ZNF462: variants seen among roughly 807,000 people sequenced by gnomAD.
The protein encoded by ZNF462 is zinc finger PBX1-interacting protein.
Under a neutral mutation model 201.9 loss-of-function variants are expected in ZNF462, and 10 were observed. The ratio of observed to expected loss-of-function variants is 0.05; its 90% confidence interval spans 0.03 to 0.08. The LOEUF (loss-of-function observed/expected upper bound fraction) is 0.08. ZNF462 is among the 10% of genes least tolerant of loss of function. The probability of loss-of-function intolerance (pLI) is 1.00; values close to 1 mark genes in which losing one functional copy is unlikely to be tolerated. For synonymous variants in ZNF462, 1,227 were observed against 1,193.3 expected, an observed-to-expected ratio of 1.03 and a Z score of -0.58; for missense variants, 2,523 against 3,168.3, an observed-to-expected ratio of 0.80 and a Z score of 4.89.
At position 106,924,827 on chromosome 9, in the gene ZNF462, G is replaced by A. The variant is rs769672218; in HGVS notation, c.915G>A (p.Met305Ile). The A allele has an allele frequency of 1.9e-6, 3 of 1,614,190 alleles. No homozygotes were observed. Among genetic ancestry groups the A allele is most frequent in the Middle Eastern group, 1.6e-4 (1 of 6,062 alleles). The change falls in exon 3 of 13, where the codon ATG (methionine) becomes ATA (isoleucine). Residue 305 changes from methionine (M) to isoleucine (I), a missense_variant. Coordinates refer to ENST00000277225, the MANE Select transcript of ZNF462 (RefSeq NM_021224.6). The surrounding 1 kb of genome is among the most constrained non-coding windows in gnomAD (Gnocchi z 6.2). ...CTTCCAACTCCACCTATCTGACCAT[G>A]AATGCTGCAAGCCGGGAGATACCCA... is the stretch of plus-strand genomic sequence containing the variant. ...SPTSNSTYLT[M>I]NAASREIPNT... is the part of the protein sequence containing the mutation.
chr9:106,869,293 C>T (rs942136386), intron 1 of ZNF462, among the ~76,000 whole-genome samples: 3 of 152,170 alleles, frequency 2.0e-5, no homozygotes, highest in South Asian at 2.1e-4. Flanking sequence ...ATGTGCCCTC[C>T]GTGTATCTTC....
rs960504365 is a variant in ZNF462, at chr9:106,932,132, G to T, written c.6013-314G>T. The T allele has an allele frequency of 7.2e-7, 1 of 1,382,014 alleles. No individual in the cohort carries two copies. 85.6% of individuals were successfully genotyped at this position (1,382,014 alleles called of 1,614,324 possible). On this transcript the variant is annotated intron_variant, in intron 4 of 12. Transcript: ENST00000277225. This position sits in a 1 kb window ranked among gnomAD's most constrained non-coding sequence, Gnocchi z 6.8. The stretch of plus-strand genomic sequence containing the variant: ...TCTCCCTCTAGGGGTAGCTGGAGAG[G>T]CAGGGGAGGAAGCTTTGACAAGAAG...
intron 6 of ZNF462, among the ~76,000 whole-genome samples, chr9:106,936,450 G>A (rs936749235): frequency 6.6e-6 from 1 of 152,178 alleles, no homozygotes; most frequent in African/African-American, 2.4e-5. Context: ...TGTGTAAACA[G>A]GACCATGTCT....
chr9:106,908,714 C>T (rs1829377139), intron 1 of ZNF462, among the ~76,000 whole-genome samples: 1 of 150,938 alleles, frequency 6.6e-6, no homozygotes, highest in Admixed American at 6.6e-5. Context: ...CCTTTGTCCT[C>T]TTCATTTTAT....
chr9:106,880,149 C>T lies in ZNF462; in HGVS notation c.-31+16794C>T, dbSNP rs1011684404. Among the ~76,000 whole-genome samples the T allele has an allele frequency of 4.6e-5, 7 of 152,040 alleles. No individual in the cohort carries two copies. Among genetic ancestry groups the T allele is most frequent in the African/African-American group, 1.7e-4 (7 of 41,402 alleles). On this transcript the variant is annotated intron_variant, in intron 1 of 12. Transcript: ENST00000277225. This position sits in a 1 kb window ranked among gnomAD's most constrained non-coding sequence, Gnocchi z 4.1. ...CACCAAGAGCCCTCTCAATTTCTGC[C>T]GCCCGCTCAGGAGGATTTTCACAGC... is the stretch of plus-strand genomic sequence containing the variant.
rs1465078518 is a variant in ZNF462 at position 106,963,287 on chromosome 9, G to A, written c.6428-8718G>A. 6.6e-6 allele frequency among the ~76,000 whole-genome samples: 1 copy of A among 152,062 alleles called. No individual in the cohort carries two copies. Among genetic ancestry groups the A allele is most frequent in the Non-Finnish European group, 1.5e-5 (1 of 67,992 alleles). The stretch of plus-strand genomic sequence containing the variant: ...TTTTTTAAATCAGCAGACTTCTTGA[G>A]TCTGAGAATCATCTTGATAGCTCTG... On this transcript the variant is annotated intron_variant, in intron 7 of 12. Coordinates refer to ENST00000277225, the MANE Select transcript of ZNF462 (RefSeq NM_021224.6). The surrounding 1 kb of genome is among the most constrained non-coding windows in gnomAD (Gnocchi z 4.7).
chr9:106,920,441 TCAGTAC>T lies in ZNF462; in HGVS notation c.-30-2912_-30-2907del, dbSNP rs1244302980. On this transcript the variant is annotated intron_variant, in intron 1 of 12. Coordinates refer to ENST00000277225, the MANE Select transcript of ZNF462 (RefSeq NM_021224.6). The surrounding 1 kb of genome is among the most constrained non-coding windows in gnomAD (Gnocchi z 4.3). ...TTTCAAAGTAGGCTACATCCTCCTT[TCAGTAC>T]TTGGTGCAGACATGAAATTGAAGGC... Among the ~76,000 whole-genome samples the T allele has an allele frequency of 6.6e-6, 1 of 152,238 alleles. No homozygotes were observed. Among genetic ancestry groups the T allele is most frequent in the African/African-American group, 2.4e-5 (1 of 41,454 alleles).
chr9:106,864,041 T>C (rs191557899), intron 1 of ZNF462, among the ~76,000 whole-genome samples: 182 of 24,006 alleles, frequency 7.6e-3, no homozygotes, highest in African/African-American at 0.021. Flanking sequence ...GGTATTTGGC[T>C]CTCTCTCTCT....
chr9:106,936,902 C>G (rs576321120), intron 6 of ZNF462, among the ~76,000 whole-genome samples: 1 of 152,266 alleles, frequency 6.6e-6, no homozygotes, highest in South Asian at 2.1e-4. Flanking sequence ...CCTCCCTGTA[C>G]TCACTGGCTG....
At chr9:106,967,543 A>G (rs1190737019) in intron 7 of ZNF462, among the ~76,000 whole-genome samples, 4 of 152,114 alleles carry the variant, frequency 2.6e-5, no homozygotes, top group Admixed American at 1.3e-4. Context: ...AACATGAAAA[A>G]TGAGAGGGTT....
Position 106,924,387 on chromosome 9 carries a change from G to A in ZNF462, c.475G>A (p.Gly159Arg). The A allele has an allele frequency of 6.2e-7, 1 of 1,614,146 alleles. No individual in the cohort carries two copies. The highest frequency in any genetic ancestry group is 1.1e-5 in the South Asian group (1 of 91,078). The change falls in exon 3 of 13, where the codon GGA becomes AGA. Residue 159 changes from glycine (G) to arginine (R), a missense_variant. This residue lies in a region of ZNF462 where 480 missense variants were observed against 544.4 expected (regional missense o/e 0.88). Transcript: ENST00000277225. The surrounding 1 kb of genome is among the most constrained non-coding windows in gnomAD (Gnocchi z 6.2). ...TAATATCATGATGCACGAGGGATTT[G>A]GAAAGGTCTTCTCTTGCCAGTTTTG... ...NYNIMMHEGF[G>R]KVFSCQFCTY...
intron 7 of ZNF462, among the ~76,000 whole-genome samples, chr9:106,967,489 T>C (rs1263337748): frequency 6.6e-6 from 1 of 151,794 alleles, no homozygotes; most frequent in African/African-American, 2.4e-5. Context: ...ACTGTTATTC[T>C]AGAGAGCTGG....
At chr9:106,951,661 G>T (rs978195693) in intron 7 of ZNF462, among the ~76,000 whole-genome samples, 2 of 152,080 alleles carry the variant, frequency 1.3e-5, no homozygotes, top group Non-Finnish European at 2.9e-5. Flanking sequence ...GTGCTCCTGG[G>T]CTTCCTGTAT....
rs748640464 is a variant in ZNF462 at position 106,938,813 on chromosome 9, G to T, written c.6236-103G>T. 1.6e-6 allele frequency: 2 copies of T among 1,229,242 alleles called. No homozygotes were observed. Among genetic ancestry groups the T allele is most frequent in the Non-Finnish European group, 2.2e-6 (2 of 891,778 alleles). 76.1% of individuals were successfully genotyped at this position (1,229,242 alleles called of 1,614,324 possible). Reference sequence around the variant, plus strand: ...TCATAGAACATGAAGCTTGAGATGCGCTTCTCTAGCATGAGTTAACTGAGT... The same window carrying T: ...TCATAGAACATGAAGCTTGAGATGCTCTTCTCTAGCATGAGTTAACTGAGT... On this transcript the variant is annotated intron_variant, in intron 6 of 12. Coordinates refer to ENST00000277225, the MANE Select transcript of ZNF462 (RefSeq NM_021224.6). The surrounding 1 kb of genome is among the most constrained non-coding windows in gnomAD (Gnocchi z 4.4).
At chr9:106,889,863 C>G (rs532716318) in intron 1 of ZNF462, among the ~76,000 whole-genome samples, 6 of 152,302 alleles carry the variant, frequency 3.9e-5, no homozygotes, top group South Asian at 2.1e-4. Context: ...TATTTGCTGA[C>G]GATCAACTCC....
intron 1 of ZNF462, among the ~76,000 whole-genome samples, chr9:106,878,041 CAT>C (rs1382479432): frequency 2.0e-5 from 3 of 152,176 alleles, no homozygotes; most frequent in Admixed American, 6.5e-5. Flanking sequence ...GCTACTGTCA[CAT>C]GTGTTCAGTT....
chr9:106,899,537 C>T (rs1381661312), intron 1 of ZNF462, among the ~76,000 whole-genome samples: 2 of 152,156 alleles, frequency 1.3e-5, no homozygotes. Context: ...TGGAATCCTC[C>T]TCCTCTTCTC....
rs1829649982 is a variant in ZNF462 at position 106,913,732 on chromosome 9, G to T, written c.-30-9622G>T. Among the ~76,000 whole-genome samples the T allele has an allele frequency of 2.0e-5, 3 of 149,100 alleles. 1 individual carries two copies. The South Asian group carries it at 6.8e-4, about 34-fold the overall frequency. On this transcript the variant is annotated intron_variant, in intron 1 of 12. Coordinates refer to ENST00000277225, the MANE Select transcript of ZNF462 (RefSeq NM_021224.6). The surrounding 1 kb of genome is among the most constrained non-coding windows in gnomAD (Gnocchi z 4.1). ...CCTGCCTCAGCCTCCCGAGTAGCTG[G>T]GATTACAGGCACCTGCCACCAAGCC...
In ZNF462 at chr9:107,006,132, C is replaced by G. The variant is rs562573417; in HGVS notation, c.7189+2706C>G. ...TCGGGTAGGGTGGTGCCTCCAACTT[C>G]GTTCTGTTTGTTTAAGATTTCTTTG... On this transcript the variant is annotated intron_variant, in intron 11 of 12. Coordinates refer to ENST00000277225, the MANE Select transcript of ZNF462 (RefSeq NM_021224.6). The surrounding 1 kb of genome is among the most constrained non-coding windows in gnomAD (Gnocchi z 4.3). 2.6e-5 allele frequency among the ~76,000 whole-genome samples: 4 copies of G among 152,184 alleles called. No individual in the cohort carries two copies. The South Asian group carries it at 8.3e-4, about 32-fold the overall frequency.
Sources: allele counts gnomAD v4.1 joint callset (sites outside exome capture counted in the v4.1 genomes callset), GRCh38; gene constraint gnomAD v4.1.1; regional missense constraint gnomAD v4.1.1; non-coding constraint Gnocchi (gnomAD v3.1); transcripts MANE v1.5; gene names NCBI Gene and HGNC (gene_info 2026-07-23, HGNC 2026-07-21).